The following LRRC4C variants were observed in gnomAD, a reference collection of about 807,000 sequenced individuals.
The protein encoded by LRRC4C is leucine-rich repeat-containing protein 4C.
Under a neutral mutation model 33.6 loss-of-function variants are expected in LRRC4C, and 5 were observed. The ratio of observed to expected loss-of-function variants is 0.15; its 90% CI spans 0.08 to 0.31. The LOEUF (loss-of-function observed/expected upper bound fraction) is 0.31. Ranked by LOEUF, LRRC4C falls within the 10% of genes least tolerant of loss-of-function variation. The probability of loss-of-function intolerance (pLI) is 1.00; values close to 1 mark genes in which losing one functional copy is unlikely to be tolerated. For synonymous variants in LRRC4C, 329 were observed against 302.0 expected (o/e 1.09, Z -0.93); for missense variants, 560 against 796.7 (o/e 0.70, Z 3.58).
chr11:40,587,419 A>G (rs1277232504), intron 3 of LRRC4C, among the ~76,000 whole-genome samples: 3 of 148,664 alleles, frequency 2.0e-5, no homozygotes, highest in Admixed American at 6.7e-5. Flanking sequence ...TGTCGTCTGC[A>G]AACAGGGACA....
At chr11:40,118,730 T>G (rs1434704765) in intron 6 of LRRC4C, among the ~76,000 whole-genome samples, 1 of 151,994 alleles carries the variant, frequency 6.6e-6, no homozygotes, top group African/African-American at 2.4e-5. Context: ...AGGACGAGAA[T>G]GAGAAAGGAA....
At position 40,395,314 on chromosome 11, in the gene LRRC4C, G is replaced by A. The variant is rs569477007; in HGVS notation, c.-269-75593C>T. On this transcript the variant is annotated intron_variant, in intron 3 of 6. Coordinates refer to ENST00000528697, the MANE Select transcript of LRRC4C (RefSeq NM_001258419.2). Reference sequence around the variant, plus strand: ...AGTAGCCCTTGGACTCCTACTTTGAGAGATCCTGTGAAGCGTAACTCTGCT... The same window carrying A: ...AGTAGCCCTTGGACTCCTACTTTGAAAGATCCTGTGAAGCGTAACTCTGCT... Among the ~76,000 whole-genome samples, 4 of 152,188 alleles carry A rather than the reference G, an allele frequency of 2.6e-5. 1 individual carries two copies. In the South Asian group the frequency reaches 6.2e-4, roughly 24 times the overall value.
chr11:40,249,892 G>A (rs16934616), intron 4 of LRRC4C, among the ~76,000 whole-genome samples: 13,248 of 152,142 alleles, frequency 0.087, 1,649 homozygotes, highest in African/African-American at 0.28. Flanking sequence ...GATATTCATC[G>A]CTACCCAATT....
intron 4 of LRRC4C, among the ~76,000 whole-genome samples, chr11:40,243,168 C>T (rs938864203): frequency 6.6e-6 from 1 of 152,122 alleles, no homozygotes; most frequent in African/African-American, 2.4e-5. Flanking sequence ...AATGTAATGA[C>T]AGCAAGATAC....
chr11:41,153,283 A>G (rs1437900476), intron 1 of LRRC4C, among the ~76,000 whole-genome samples: 1 of 152,158 alleles, frequency 6.6e-6, no homozygotes, highest in African/African-American at 2.4e-5. Context: ...GCATCAATCA[A>G]CTGAGTTGAA....
intron 5 of LRRC4C, among the ~76,000 whole-genome samples, chr11:40,209,293 T>C (rs1863402531): frequency 6.6e-6 from 1 of 152,124 alleles, no homozygotes; most frequent in Admixed American, 6.6e-5. Flanking sequence ...TCAATAAATA[T>C]GCAGGAATAT....
chr11:41,327,881 C>A (rs1255252456), intron 1 of LRRC4C, among the ~76,000 whole-genome samples: 1 of 152,150 alleles, frequency 6.6e-6, no homozygotes, highest in Non-Finnish European at 1.5e-5. Context: ...TGTGAGGGCT[C>A]CCCAGCCATG....
At chr11:40,906,891 A>G (rs931533190) in intron 2 of LRRC4C, among the ~76,000 whole-genome samples, 13 of 152,254 alleles carry the variant, frequency 8.5e-5, no homozygotes, top group African/African-American at 3.1e-4. Context: ...CAAAGAGCTT[A>G]CAATCTGTCA....
At chr11:41,327,757 A>G (rs185426414) in intron 1 of LRRC4C, among the ~76,000 whole-genome samples, 23 of 152,234 alleles carry the variant, frequency 1.5e-4, no homozygotes, top group South Asian at 2.1e-4. Context: ...ATGAAAGTGA[A>G]TAAGTGTCAT....
intron 5 of LRRC4C, among the ~76,000 whole-genome samples, chr11:40,223,509 T>C (rs910719266): frequency 6.6e-6 from 1 of 152,204 alleles, no homozygotes; most frequent in Admixed American, 6.5e-5. Context: ...CTGCAGAACC[T>C]GAAACTCCCA....
intron 4 of LRRC4C, among the ~76,000 whole-genome samples, chr11:40,313,791 T>A (rs1186153264): frequency 4.6e-5 from 7 of 151,330 alleles, no homozygotes; most frequent in Non-Finnish European, 1.0e-4. Flanking sequence ...TTATTTTTAA[T>A]TTTTAGTAGA....
At chr11:40,134,817 A>G (rs1856862550) in intron 6 of LRRC4C, among the ~76,000 whole-genome samples, 1 of 152,186 alleles carries the variant, frequency 6.6e-6, no homozygotes, top group Non-Finnish European at 1.5e-5. Context: ...TAGTCCCTAC[A>G]ACTTTGGAGT....
intron 1 of LRRC4C, among the ~76,000 whole-genome samples, chr11:41,078,209 CCTCCAAGT>C (rs1372739693): frequency 1.3e-5 from 2 of 152,194 alleles, no homozygotes; most frequent in African/African-American, 4.8e-5. Flanking sequence ...TCTTCTGAGG[CCTCCAAGT>C]CTCTAGAAAG....
chr11:40,142,399 T>G (rs2134994213), intron 5 of LRRC4C, among the ~76,000 whole-genome samples: 1 of 152,104 alleles, frequency 6.6e-6, no homozygotes, highest in African/African-American at 2.4e-5. Flanking sequence ...CGGAATTTAA[T>G]GTGCTTGGGA....
chr11:41,225,868 G>A lies in LRRC4C; in HGVS notation c.-496+233563C>T, dbSNP rs145410629. ...GGTACTGCAGAGAACTATCACAGGA[G>A]GATATTTAATGAATTGTGGTGGAAG... On this transcript the variant is annotated intron_variant, in intron 1 of 6. Coordinates refer to ENST00000528697, the MANE Select transcript of LRRC4C (RefSeq NM_001258419.2). Among the ~76,000 whole-genome samples the A allele has an allele frequency of 1.9e-3, 282 of 152,148 alleles. 1 individual carries two copies. The highest frequency in any genetic ancestry group is 2.9e-3 in the Admixed American group (44 of 15,254).
chr11:40,612,244 T>C (rs1303098646), intron 3 of LRRC4C, among the ~76,000 whole-genome samples: 2 of 151,842 alleles, frequency 1.3e-5, no homozygotes, highest in Non-Finnish European at 2.9e-5. Flanking sequence ...GCTACTACAT[T>C]GATGAACCTT....
intron 1 of LRRC4C, among the ~76,000 whole-genome samples, chr11:41,049,971 C>T (rs1038018702): frequency 5.9e-5 from 9 of 152,082 alleles, no homozygotes; most frequent in African/African-American, 1.9e-4. Flanking sequence ...CTCATAAGAG[C>T]ATAATTAGCT....
At chr11:41,453,321 A>G (rs1391096100) in intron 1 of LRRC4C, among the ~76,000 whole-genome samples, 2 of 152,130 alleles carry the variant, frequency 1.3e-5, no homozygotes, top group Non-Finnish European at 2.9e-5. Context: ...AAAGACCACA[A>G]AAATATGGTA....
chr11:40,735,988 C>T (rs1462231333), intron 2 of LRRC4C, among the ~76,000 whole-genome samples: 2 of 146,670 alleles, frequency 1.4e-5, no homozygotes, highest in Non-Finnish European at 3.0e-5. Context: ...TGTCCTTCGC[C>T]CACTTATTGA....
Sources: gnomAD v4.1 joint callset for allele counts (sites outside exome capture counted in the v4.1 genomes callset) on GRCh38, gnomAD v4.1.1 for gene constraint, MANE v1.5 for transcripts, NCBI Gene and HGNC (gene_info 2026-07-23, HGNC 2026-07-21) for gene names.